ZNF385D: variants seen among roughly 807,000 people sequenced by gnomAD.
The protein encoded by ZNF385D is zinc finger protein 385D, also known as zinc finger protein 659.
ZNF385D carries 15 observed loss-of-function variants against 35.8 expected under a neutral mutation model. That is an observed-to-expected ratio of 0.42 (90% CI 0.28 to 0.64). The LOEUF is 0.64. Ranked by LOEUF, ZNF385D falls within the 30% of genes least tolerant of loss-of-function variation. The pLI, the probability that ZNF385D is intolerant of heterozygous loss-of-function variation, is 0.23. For synonymous variants in ZNF385D, 212 were observed against 186.8 expected (o/e 1.13, Z -1.10); for missense variants, 474 against 494.6 (o/e 0.96, Z 0.39).
chr3:21,753,767 GT>G (rs1282015403), upstream of ZNF385D, among the ~76,000 whole-genome samples: 5 of 38,064 alleles, frequency 1.3e-4, no homozygotes, highest in South Asian at 6.4e-4. Flanking sequence ...AACTTTGGTG[GT>G]TGTTGTTGTT....
At chr3:22,169,897 C>G (rs1011344158) in intron 2 of ZNF385D, among the ~76,000 whole-genome samples, 1 of 152,190 alleles carries the variant, frequency 6.6e-6, no homozygotes, top group Non-Finnish European at 1.5e-5. Context: ...TGGGCTCAAG[C>G]AGTCCCCCCA....
At position 21,421,631 on chromosome 3, in the gene ZNF385D, A is replaced by T. The variant is rs1700744107; in HGVS notation, c.955-184T>A. Among the ~76,000 whole-genome samples the T allele has an allele frequency of 2.0e-5, 3 of 152,232 alleles. No homozygotes were observed. In the South Asian group the frequency reaches 6.2e-4, roughly 31 times the overall value. On this transcript the variant is annotated intron_variant, in intron 7 of 7. Transcript: ENST00000281523. ...ACATTTTCCCTTTGGAAGAGTTGGA[A>T]GATACCTGAAAATGGCCAACCGGGA...
rs1701601588 is a variant in ZNF385D at position 22,096,003 on chromosome 3, TG to T, written c.325+72813del. On this transcript the variant is annotated intron_variant, in intron 3 of 5. Coordinates refer to the ZNF385D transcript ENST00000494108. ...GACTAAAGTCTTTGGTAATAAAAGCTGGAGATTGGAGGTTACTTTTGAAAAT... is the reference window on the plus strand; with the variant it reads ...GACTAAAGTCTTTGGTAATAAAAGCTGAGATTGGAGGTTACTTTTGAAAAT... Among the ~76,000 whole-genome samples the T allele has an allele frequency of 2.0e-5, 3 of 151,938 alleles. No homozygotes were observed. In the South Asian group the frequency reaches 6.2e-4, roughly 31 times the overall value.
intron 2 of ZNF385D, among the ~76,000 whole-genome samples, chr3:22,365,255 T>A (rs992727131): frequency 6.6e-6 from 1 of 152,028 alleles, no homozygotes; most frequent in African/African-American, 2.4e-5. Context: ...ATTATATATA[T>A]TTATGACAAA....
chr3:21,427,099 G>A (rs1559438162), intron 5 of ZNF385D, among the ~76,000 whole-genome samples: 1 of 152,142 alleles, frequency 6.6e-6, no homozygotes, highest in Non-Finnish European at 1.5e-5. Context: ...GCTTATTTCA[G>A]TCACCTCCTT....
rs1200596611 is a variant in ZNF385D at position 21,791,661 on chromosome 3, T to C, written c.326-126633A>G. ...TGGCCTCTAACATTATGAATCAAAA[T>C]GAAAACTAATACAAAGTTTAGAAAG... On this transcript the variant is annotated intron_variant, in intron 3 of 5. Coordinates refer to the ZNF385D transcript ENST00000494108. Among the ~76,000 whole-genome samples, 5 of 152,306 alleles carry C rather than the reference T, an allele frequency of 3.3e-5. No homozygotes were observed. The South Asian group carries it at 8.3e-4, about 25-fold the overall frequency.
chr3:21,565,274 G>C (rs2063103414), intron 2 of ZNF385D, among the ~76,000 whole-genome samples: 2 of 151,888 alleles, frequency 1.3e-5, no homozygotes, highest in Admixed American at 6.6e-5. Context: ...CTTATTGGGG[G>C]GTGCCAAGGG....
chr3:22,139,592 A>C (rs929172367), intron 3 of ZNF385D, among the ~76,000 whole-genome samples: 6 of 151,074 alleles, frequency 4.0e-5, no homozygotes, highest in Admixed American at 4.0e-4. Context: ...AGGAAGGGGA[A>C]CATCACACAC....
chr3:21,832,127 T>G (rs1230856903), intron 3 of ZNF385D, among the ~76,000 whole-genome samples: 1 of 152,196 alleles, frequency 6.6e-6, no homozygotes, highest in Non-Finnish European at 1.5e-5. Flanking sequence ...GTTCATATTT[T>G]TTAAATCTTT....
chr3:21,834,069 C>CA (rs1695170735), intron 3 of ZNF385D, among the ~76,000 whole-genome samples: 1 of 151,602 alleles, frequency 6.6e-6, no homozygotes, highest in Non-Finnish European at 1.5e-5. Flanking sequence ...GATAGTTAAA[C>CA]AAAAAAAGTG....
chr3:22,163,339 C>T (rs1195978462), intron 3 of ZNF385D, among the ~76,000 whole-genome samples: 3 of 152,106 alleles, frequency 2.0e-5, no homozygotes, highest in Non-Finnish European at 2.9e-5. Flanking sequence ...TAACGTACAT[C>T]GCCGTCAGAA....
At chr3:21,483,812 T>C (rs1443461415) in intron 4 of ZNF385D, among the ~76,000 whole-genome samples, 2 of 152,228 alleles carry the variant, frequency 1.3e-5, no homozygotes, top group African/African-American at 2.4e-5. Context: ...TTATATATTC[T>C]AGATATAACA....
intron 3 of ZNF385D, among the ~76,000 whole-genome samples, chr3:21,799,975 C>A (rs1476128597): frequency 2.0e-5 from 3 of 152,004 alleles, no homozygotes; most frequent in Admixed American, 1.3e-4. Context: ...ATGTAGATAC[C>A]CAGTTGTCTC....
chr3:22,097,715 T>C (rs558842594), intron 3 of ZNF385D, among the ~76,000 whole-genome samples: 1 of 152,022 alleles, frequency 6.6e-6, no homozygotes, highest in African/African-American at 2.4e-5. Flanking sequence ...GATGAAGCTG[T>C]GTGCTTGGAG....
At chr3:21,867,125 A>AG (rs1218416599) in intron 3 of ZNF385D, among the ~76,000 whole-genome samples, 1 of 152,004 alleles carries the variant, frequency 6.6e-6, no homozygotes, top group Non-Finnish European at 1.5e-5. Flanking sequence ...GTTAGAAGGG[A>AG]GGGGGGCAAA....
At chr3:21,689,130 CAAAAAAAA>C (rs5847126) in intron 1 of ZNF385D, among the ~76,000 whole-genome samples, 9 of 114,342 alleles carry the variant, frequency 7.9e-5, no homozygotes, top group Middle Eastern at 4.4e-3. Flanking sequence ...CTTATTGAAG[CAAAAAAAA>C]AAAAAAAAAA....
chr3:21,508,352 C>T (rs1224200926), intron 4 of ZNF385D, among the ~76,000 whole-genome samples: 1 of 152,048 alleles, frequency 6.6e-6, no homozygotes, highest in Non-Finnish European at 1.5e-5. Flanking sequence ...TTTAAGGACC[C>T]TCTAAATTTA....
intron 3 of ZNF385D, among the ~76,000 whole-genome samples, chr3:22,104,825 T>C (rs534746681): frequency 6.6e-6 from 1 of 152,226 alleles, no homozygotes; most frequent in South Asian, 2.1e-4. Context: ...TTGTCTGAAA[T>C]CAAAAGAGTC....
At chr3:21,683,752 A>G (rs977939474) in intron 1 of ZNF385D, among the ~76,000 whole-genome samples, 1 of 150,368 alleles carries the variant, frequency 6.7e-6, no homozygotes, top group African/African-American at 2.4e-5. Context: ...TCGAGGCCAC[A>G]TGTAAAGGAA....
Sources: allele counts gnomAD v4.1 joint callset (sites outside exome capture counted in the v4.1 genomes callset), GRCh38; gene constraint gnomAD v4.1.1; transcripts MANE v1.5; gene names NCBI Gene and HGNC (gene_info 2026-07-23, HGNC 2026-07-21).